Variants in ALKBH5 observed in about 807,000 individuals in gnomAD.
ALKBH5 encodes RNA demethylase ALKBH5.
ALKBH5 carries 2 observed loss-of-function variants against 32.1 expected under a neutral mutation model. The ratio of observed to expected loss-of-function variants is 0.06; its 90% CI spans 0.03 to 0.20. The LOEUF is 0.20. Ranked by LOEUF, ALKBH5 falls within the 10% of genes least tolerant of loss-of-function variation. The probability of loss-of-function intolerance (pLI) is 1.00; values close to 1 mark genes in which losing one functional copy is unlikely to be tolerated. For synonymous variants in ALKBH5, 300 were observed against 231.7 expected (o/e 1.29, Z -2.68); for missense variants, 352 against 559.5 (o/e 0.63, Z 3.74).
chr17:18,201,744 TA>T (rs2047237096), intron 2 of ALKBH5, among the ~76,000 whole-genome samples: 1 of 40,796 alleles, frequency 2.5e-5, no homozygotes, highest in East Asian at 6.5e-4. Context: ...GACTCCATCT[TA>T]GATAGATAGA....
chr17:18,188,155 C>T (rs1257966018), intron 1 of ALKBH5, among the ~76,000 whole-genome samples: 2 of 152,212 alleles, frequency 1.3e-5, no homozygotes, highest in Non-Finnish European at 2.9e-5. Context: ...TATTTTTTAT[C>T]TTCATATCAC....
At chr17:18,201,772 TA>T (rs1288713985) in intron 2 of ALKBH5, among the ~76,000 whole-genome samples, 2 of 134,832 alleles carry the variant, frequency 1.5e-5, no homozygotes, top group African/African-American at 5.5e-5. Context: ...GATAGATAGA[TA>T]GATAGATAGA....
rs186155212 is a variant in ALKBH5, at chr17:18,208,053, C to T, written c.1008-166C>T. On this transcript the variant is annotated intron_variant, in intron 3 of 3. Coordinates refer to ENST00000399138, the MANE Select transcript of ALKBH5 (RefSeq NM_017758.4). ...CCAAAGACTGGGATGGTCACTGGCACTTAGTGGGCAAGAACCTCCGATACC... is the reference window on the plus strand; with the variant it reads ...CCAAAGACTGGGATGGTCACTGGCATTTAGTGGGCAAGAACCTCCGATACC... 1.7e-3 allele frequency among the ~76,000 whole-genome samples: 255 copies of T among 152,310 alleles called. 2 individuals are homozygous for T. The highest frequency in any genetic ancestry group is 5.9e-3 in the African/African-American group (246 of 41,568).
intron 2 of ALKBH5, among the ~76,000 whole-genome samples, chr17:18,204,298 A>G (rs560725228): frequency 1.2e-4 from 18 of 152,250 alleles, no homozygotes; most frequent in African/African-American, 3.9e-4. Flanking sequence ...CTAAAAATAC[A>G]AAAGTAGCCA....
intron 2 of ALKBH5, among the ~76,000 whole-genome samples, chr17:18,201,803 AGATAGAT>A (rs1166988529): frequency 1.3e-3 from 68 of 53,582 alleles, no homozygotes; most frequent in Admixed American, 6.0e-3. Flanking sequence ...TAAGATAGAT[AGATAGAT>A]AGATAGATAG....
chr17:18,204,080 G>A (rs2047256456), intron 2 of ALKBH5, among the ~76,000 whole-genome samples: 2 of 152,318 alleles, frequency 1.3e-5, no homozygotes, highest in South Asian at 4.1e-4. Flanking sequence ...TTTAAGTCAA[G>A]TATAAAGGCT....
At chr17:18,201,786 G>GGTAGATAGGTA (rs1555550987) in intron 2 of ALKBH5, among the ~76,000 whole-genome samples, 11 of 84,376 alleles carry the variant, frequency 1.3e-4, no homozygotes, top group East Asian at 6.9e-4. Context: ...TAGATAGATA[G>GGTAGATAGGTA]GATAGATAAG....
At chr17:18,191,290 C>T (rs2047173117) in intron 1 of ALKBH5, among the ~76,000 whole-genome samples, 1 of 152,152 alleles carries the variant, frequency 6.6e-6, no homozygotes, top group Non-Finnish European at 1.5e-5. Flanking sequence ...GGTCAGTGGG[C>T]TGTGTCATAG....
intron 2 of ALKBH5, among the ~76,000 whole-genome samples, chr17:18,203,559 A>C (rs564641543): frequency 1.5e-4 from 23 of 152,348 alleles, no homozygotes; most frequent in South Asian, 8.3e-4. Context: ...TCTGTAAGGC[A>C]GGTCTTCATT....
At position 18,204,823 on chromosome 17, in the gene ALKBH5, G is replaced by A. The variant is rs188331676; in HGVS notation, c.852-1992G>A. The stretch of plus-strand genomic sequence containing the variant: ...TCATACCTGTAATCTCAACACTTTG[G>A]GAGGCTGAGGTGGGAGGATCACTTA... On this transcript the variant is annotated intron_variant, in intron 2 of 3. Transcript: ENST00000399138. Among the ~76,000 whole-genome samples, 171 of 152,224 alleles carry A rather than the reference G, an allele frequency of 1.1e-3. 2 individuals carry two copies. Among genetic ancestry groups the A allele is most frequent in the South Asian group, 0.011 (54 of 4,818 alleles).
chr17:18,195,077 C>G, intron 2 of ALKBH5, 42 bp downstream of exon 2: 1 of 1,559,758 alleles, frequency 6.4e-7, no homozygotes, highest in Non-Finnish European at 8.8e-7. Context: ...ACCTGCAGGC[C>G]TGTCTGGAGA....
At chr17:18,187,996 T>A (rs1018220129) in intron 1 of ALKBH5, among the ~76,000 whole-genome samples, 1 of 152,228 alleles carries the variant, frequency 6.6e-6, no homozygotes. Flanking sequence ...GACTCAGCAG[T>A]GTCTAAACCT....
intron 1 of ALKBH5, among the ~76,000 whole-genome samples, chr17:18,190,393 T>C (rs2047166276): frequency 6.6e-6 from 1 of 151,798 alleles, no homozygotes; most frequent in Admixed American, 6.6e-5. Context: ...CTACTAAAAA[T>C]ACAAAAATTA....
intron 2 of ALKBH5, among the ~76,000 whole-genome samples, chr17:18,196,469 C>T (rs1297068477): frequency 6.6e-6 from 1 of 152,214 alleles, no homozygotes; most frequent in Non-Finnish European, 1.5e-5. Context: ...GGTTCACCTG[C>T]CTTGGCCTCC....
In ALKBH5 at chr17:18,185,017, A is replaced by C; in HGVS notation, c.770+4A>C. On this transcript the variant is annotated splice_donor_region_variant and intron_variant, in intron 1 of 3. Transcript: ENST00000399138. ...GGGGAAGCGTGACTGTGCTCAGGTAACCCACCCGGGTGGAGGGGGCGGCCC... is the reference window on the plus strand; with the variant it reads ...GGGGAAGCGTGACTGTGCTCAGGTACCCCACCCGGGTGGAGGGGGCGGCCC... 3 of 1,602,190 alleles carry C rather than the reference A, an allele frequency of 1.9e-6. No individual in the cohort carries two copies. Among genetic ancestry groups the C allele is most frequent in the Non-Finnish European group, 2.6e-6 (3 of 1,175,238 alleles).
chr17:18,198,708 A>C (rs1437218394), intron 2 of ALKBH5, among the ~76,000 whole-genome samples: 1 of 152,176 alleles, frequency 6.6e-6, no homozygotes, highest in Non-Finnish European at 1.5e-5. Context: ...AGGTCTTTCT[A>C]AGGGCCTCAC....
intron 2 of ALKBH5, among the ~76,000 whole-genome samples, chr17:18,197,338 G>A (rs375161576): frequency 4.1e-4 from 62 of 152,280 alleles, no homozygotes; most frequent in African/African-American, 1.4e-3. Flanking sequence ...GCAAGAACTC[G>A]GAAACAATGG....
In ALKBH5 at chr17:18,184,151, C is replaced by A; in HGVS notation, c.-93C>A. 1 of 1,171,768 alleles carries A rather than the reference C, an allele frequency of 8.5e-7. No individual in the cohort carries two copies. Among genetic ancestry groups the A allele is most frequent in the Non-Finnish European group, 1.2e-6 (1 of 852,176 alleles). 72.6% of individuals were successfully genotyped at this position (1,171,768 alleles called of 1,614,324 possible). A position where few individuals can be genotyped will look rare whatever the true frequency, so the allele number is the denominator to read the frequency against. On this transcript the variant is annotated 5_prime_UTR_variant, in exon 1 of 4. Coordinates refer to ENST00000399138, the MANE Select transcript of ALKBH5 (RefSeq NM_017758.4). Reference sequence around the variant, plus strand: ...ATGGGGGTTCGGCGCTAAGGACCCCCCTCCCTCCGGGGGCCCCGGGGCGCG... The same window carrying A: ...ATGGGGGTTCGGCGCTAAGGACCCCACTCCCTCCGGGGGCCCCGGGGCGCG...
intron 1 of ALKBH5, 97 bp from the exon 2 acceptor site, chr17:18,194,858 C>T (rs1031834377): frequency 6.3e-6 from 6 of 949,382 alleles, no homozygotes; most frequent in Middle Eastern, 2.6e-4. Flanking sequence ...AGAGAGCAGC[C>T]GTAAGACCTA....
Sources: gnomAD v4.1 joint callset for allele counts (sites outside exome capture counted in the v4.1 genomes callset) on GRCh38, gnomAD v4.1.1 for gene constraint, MANE v1.5 for transcripts, NCBI Gene and HGNC (gene_info 2026-07-23, HGNC 2026-07-21) for gene names.